Variants in EDA2R observed in about 807,000 individuals in gnomAD.
The protein encoded by EDA2R is ectodysplasin A2 receptor.
EDA2R carries 26 observed loss-of-function variants against 20.1 expected under a neutral mutation model. That is an observed-to-expected ratio of 1.30 (90% confidence interval 0.95 to 1.80). The LOEUF is 1.80. Ranked by LOEUF, EDA2R falls within the 40% of genes most tolerant of loss-of-function variation. The pLI, the probability that EDA2R is intolerant of heterozygous loss-of-function variation, is 0.00. For missense variants in EDA2R, 277 were observed against 228.7 expected (o/e 1.21, Z -1.36); for synonymous variants, 114 against 88.7 (o/e 1.29, Z -1.60).
intron 1 of EDA2R, among the ~76,000 whole-genome samples, chrX:66,616,948 A>G (rs1186981626): frequency 8.9e-6 from 1 of 112,518 alleles, no homozygotes; most frequent in African/African-American, 3.2e-5. Context: ...AAAGAGCTAT[A>G]CAAAATAAGA....
chrX:66,599,929 A>G, intron 5 of EDA2R, 69 bp from the exon 6 acceptor site: 5 of 1,158,575 alleles, frequency 4.3e-6, no homozygotes, highest in Non-Finnish European at 5.8e-6. Context: ...GGCACTGGGT[A>G]CTGAGTACAA....
At chrX:66,620,965 C>CAAAA (rs376190384) in intron 1 of EDA2R, among the ~76,000 whole-genome samples, 14 of 55,301 alleles carry the variant, frequency 2.5e-4, no homozygotes, top group South Asian at 1.5e-3. Flanking sequence ...TATCCACTAC[C>CAAAA]AAAAAAAAAA....
intron 2 of EDA2R, among the ~76,000 whole-genome samples, chrX:66,607,885 C>A (rs183191598): frequency 6.1e-4 from 68 of 111,862 alleles, no homozygotes; most frequent in African/African-American, 1.9e-3. Context: ...TGAGACTATT[C>A]TTGAGGAAGC....
chrX:66,607,355 C>T (rs892329373), intron 2 of EDA2R, among the ~76,000 whole-genome samples: 12 of 111,882 alleles, frequency 1.1e-4, no homozygotes, highest in African/African-American at 3.2e-4. Context: ...GTTTCAATGG[C>T]GATACATGAC....
At position 66,605,169 on chromosome X, in the gene EDA2R, A is replaced by T. The variant is rs1319274958; in HGVS notation, c.145T>A (p.Tyr49Asn). The change falls in exon 3 of 7, where the codon TAC becomes AAC. Residue 49 changes from tyrosine (Y) to asparagine (N), a missense_variant. By Grantham distance (143) the Tyr-to-Asn change is moderately radical. Coordinates refer to ENST00000374719, the MANE Select transcript of EDA2R (RefSeq NM_021783.5). ...AYCTACPPRRYKSSWGHHRCQ... is the reference protein window; with the variant it reads ...AYCTACPPRRNKSSWGHHRCQ... ...CTGTGGTGGCCCCAGCTGCTTTTGT[A>T]CCTGCGAGGAGGGCAGGCTGTGCAG... 12 of 1,209,659 alleles carry T rather than the reference A, an allele frequency of 9.9e-6. No individual in the cohort carries two copies. Among genetic ancestry groups the T allele is most frequent in the Non-Finnish European group, 1.3e-5 (12 of 894,589 alleles).
intron 2 of EDA2R, 105 bp downstream of exon 2, chrX:66,615,829 G>A: frequency 1.8e-6 from 1 of 564,883 alleles, no homozygotes. Context: ...CGCTGAACTG[G>A]ATCAGTCATA....
rs1173668493 is a variant in EDA2R at position 66,619,416 on chromosome X, A to C, written c.-10-3386T>G. On this transcript the variant is annotated intron_variant, in intron 1 of 6. Coordinates refer to ENST00000374719, the MANE Select transcript of EDA2R (RefSeq NM_021783.5). ...GCCTTTGAAATGGAAGTGAAAAAGAAATAAAATCAGATTTGCAAATAAGTG... is the reference window on the plus strand; with the variant it reads ...GCCTTTGAAATGGAAGTGAAAAAGACATAAAATCAGATTTGCAAATAAGTG... 3.6e-5 allele frequency among the ~76,000 whole-genome samples: 4 copies of C among 112,510 alleles called. No individual in the cohort carries two copies. In the East Asian group the frequency reaches 1.1e-3, roughly 31 times the overall value.
At chrX:66,620,966 A>AT (rs1491306030) in intron 1 of EDA2R, among the ~76,000 whole-genome samples, 2 of 12,870 alleles carry the variant, frequency 1.6e-4, no homozygotes, top group Admixed American at 1.8e-3. Context: ...ATCCACTACC[A>AT]AAAAAAAAAA....
intron 1 of EDA2R, among the ~76,000 whole-genome samples, chrX:66,638,408 G>T (rs1259912709): frequency 9.0e-6 from 1 of 111,565 alleles, no homozygotes; most frequent in Non-Finnish European, 1.9e-5. Flanking sequence ...CCCAGTTCTT[G>T]CAGCTTGCTG....
chrX:66,600,536 A>G (rs977264381), intron 5 of EDA2R, among the ~76,000 whole-genome samples: 1 of 111,921 alleles, frequency 8.9e-6, no homozygotes, highest in Non-Finnish European at 1.9e-5. Context: ...ATTCTCTCCC[A>G]GAGACTCCAG....
At chrX:66,635,595 CTT>C (rs992953975) in intron 1 of EDA2R, among the ~76,000 whole-genome samples, 3 of 111,908 alleles carry the variant, frequency 2.7e-5, no homozygotes, top group Non-Finnish European at 5.6e-5. Flanking sequence ...GAGGATCCCT[CTT>C]TTTTTTGACT....
chrX:66,602,164 A>G (rs1403027065), intron 5 of EDA2R, among the ~76,000 whole-genome samples: 1 of 111,578 alleles, frequency 9.0e-6, no homozygotes, highest in Non-Finnish European at 1.9e-5. Context: ...TCCTCAATTC[A>G]TGACATGCTC....
chrX:66,598,426 T>A (rs1484692768), intron 6 of EDA2R, among the ~76,000 whole-genome samples: 1 of 111,700 alleles, frequency 9.0e-6, no homozygotes, highest in Non-Finnish European at 1.9e-5. Context: ...AGAGCCAGGA[T>A]GGATAGGCGG....
intron 1 of EDA2R, among the ~76,000 whole-genome samples, chrX:66,636,673 T>A (rs904665842): frequency 6.4e-5 from 7 of 110,031 alleles, no homozygotes; most frequent in Non-Finnish European, 1.3e-4. Flanking sequence ...TAATGTGGAA[T>A]CCATTAGGGT....
At chrX:66,605,674 A>G (rs1929550080) in intron 2 of EDA2R, among the ~76,000 whole-genome samples, 1 of 111,759 alleles carries the variant, frequency 8.9e-6, no homozygotes, top group South Asian at 3.8e-4. Context: ...ACAAGCTCTT[A>G]AAGTTTTCCC....
Position 66,596,231 on chromosome X carries a change from CAAAG to C in EDA2R, c.*1869_*1872del. The C allele has an allele frequency of 9.0e-6, 1 of 111,076 alleles. No homozygotes were observed. Among genetic ancestry groups the C allele is most frequent in the East Asian group, 2.9e-4 (1 of 3,498 alleles). The allele number at this position is 111,076 out of a possible 1,213,427, so 9.2% of individuals were successfully genotyped here. Reference sequence around the variant, plus strand: ...GAAAGACACATAAAAGCACAGTGCTCAAAGAAATATGCCTCAGCATTGAAAAGTA... The same window carrying C: ...GAAAGACACATAAAAGCACAGTGCTCAAATATGCCTCAGCATTGAAAAGTA... On this transcript the variant is annotated 3_prime_UTR_variant, in exon 7 of 7. Transcript: ENST00000374719.
rs1927353854 is a variant in EDA2R, at chrX:66,595,914, A to G, written c.*2190T>C. 9.1e-6 allele frequency: 1 copy of G among 110,071 alleles called. No individual in the cohort carries two copies. Among genetic ancestry groups the G allele is most frequent in the South Asian group, 3.9e-4 (1 of 2,532 alleles). 9.1% of individuals were successfully genotyped at this position (110,071 alleles called of 1,213,427 possible). Reference sequence around the variant, plus strand: ...TGTATGTTGTAGAGGGGTATGCTGTAGTGCTGAATCCTTTCCTAACCTGGA... The same window carrying G: ...TGTATGTTGTAGAGGGGTATGCTGTGGTGCTGAATCCTTTCCTAACCTGGA... On this transcript the variant is annotated 3_prime_UTR_variant, in exon 7 of 7. Coordinates refer to ENST00000374719, the MANE Select transcript of EDA2R (RefSeq NM_021783.5).
intron 1 of EDA2R, among the ~76,000 whole-genome samples, chrX:66,630,730 C>G (rs1933665073): frequency 9.2e-6 from 1 of 108,350 alleles, no homozygotes; most frequent in Non-Finnish European, 1.9e-5. Context: ...GGCAACACTT[C>G]TACACTGCTG....
Position 66,615,988 on chromosome X carries a change from T to C in EDA2R, c.33A>G (p.Gln11=), listed in dbSNP as rs1449012194. MDCQENEYWD[Q]WGRCVTCQRC... ...GTTGGCAGGTGACACACCGTCCCCA[T>C]TGGTCCCAGTACTCATTTTCTTGGC... Residue 11 remains glutamine, a synonymous_variant, in exon 2 of 7, where the codon CAA becomes CAG. Coordinates refer to ENST00000374719, the MANE Select transcript of EDA2R (RefSeq NM_021783.5). 4 of 1,210,208 alleles carry C rather than the reference T, an allele frequency of 3.3e-6. No individual in the cohort carries two copies. The highest frequency in any genetic ancestry group is 4.5e-6 in the Non-Finnish European group (4 of 894,447).
Sources: gnomAD v4.1 joint callset for allele counts (sites outside exome capture counted in the v4.1 genomes callset) on GRCh38, gnomAD v4.1.1 for gene constraint, MANE v1.5 for transcripts, NCBI Gene and HGNC (gene_info 2026-07-23, HGNC 2026-07-21) for gene names.